DCC: variants seen among roughly 807,000 people sequenced by gnomAD.
DCC encodes DCC netrin 1 receptor.
DCC carries 58 observed loss-of-function variants against 172.5 expected under a neutral mutation model. That is an observed-to-expected ratio of 0.34 (90% confidence interval 0.27 to 0.42). The LOEUF (loss-of-function observed/expected upper bound fraction) is 0.42, where lower values mean the gene tolerates loss of function less well. DCC is among the 10% of genes least tolerant of loss of function. The probability of loss-of-function intolerance (pLI) is 1.00; values close to 1 mark genes in which losing one functional copy is unlikely to be tolerated. For missense variants in DCC, 1,740 were observed against 1,791.0 expected (o/e 0.97, Z 0.51); for synonymous variants, 709 against 644.5 (o/e 1.10, Z -1.52).
intron 27 of DCC, among the ~76,000 whole-genome samples, chr18:53,525,895 G>A (rs1013715729): frequency 3.9e-5 from 6 of 152,052 alleles, no homozygotes; most frequent in African/African-American, 1.2e-4. Context: ...TCAGCTATAA[G>A]GTCAAGGTTG....
intron 1 of DCC, among the ~76,000 whole-genome samples, chr18:52,527,447 C>G (rs1419725534): frequency 6.6e-6 from 1 of 152,182 alleles, no homozygotes; most frequent in East Asian, 1.9e-4. Context: ...TTATGGATGA[C>G]AAGTTTGAGT....
intron 1 of DCC, among the ~76,000 whole-genome samples, chr18:52,502,786 G>A (rs1033468571): frequency 1.3e-5 from 2 of 152,188 alleles, no homozygotes; most frequent in Non-Finnish European, 2.9e-5. Context: ...AAGCCCCGAG[G>A]CGGGAGTTCA....
chr18:52,749,447 A>G (rs1173213137), intron 1 of DCC, among the ~76,000 whole-genome samples: 1 of 152,218 alleles, frequency 6.6e-6, no homozygotes, highest in East Asian at 1.9e-4. Flanking sequence ...ATAGAATCAT[A>G]TCTACTATTT....
chr18:52,983,904 T>A (rs1046889537), intron 5 of DCC, among the ~76,000 whole-genome samples: 2 of 152,140 alleles, frequency 1.3e-5, no homozygotes. Context: ...TTTCATTGCC[T>A]CCTGCACTTA....
At chr18:53,038,079 C>T (rs575928797) in intron 5 of DCC, among the ~76,000 whole-genome samples, 13 of 151,870 alleles carry the variant, frequency 8.6e-5, no homozygotes, top group East Asian at 5.8e-4. Flanking sequence ...CAATATTTAG[C>T]GCTGTTATCT....
At chr18:52,765,029 T>C (rs1156845017) in intron 2 of DCC, among the ~76,000 whole-genome samples, 2 of 143,100 alleles carry the variant, frequency 1.4e-5, no homozygotes, top group African/African-American at 6.0e-5. Context: ...TTTTCTTTTT[T>C]TTCTTTTTTT....
At chr18:53,088,035 G>A (rs569534844) in intron 7 of DCC, among the ~76,000 whole-genome samples, 57 of 152,254 alleles carry the variant, frequency 3.7e-4, no homozygotes, top group South Asian at 1.0e-3. Flanking sequence ...GTCAGGTAGC[G>A]TGATGCCTCC....
rs550004508 is a variant in DCC, at chr18:52,993,592, G to A, written c.985+68222G>A. Among the ~76,000 whole-genome samples, 9 of 152,242 alleles carry A rather than the reference G, an allele frequency of 5.9e-5. 1 individual carries two copies. In the South Asian group the frequency reaches 1.5e-3, roughly 25 times the overall value. The stretch of plus-strand genomic sequence containing the variant: ...AAGGAAATTTGGGATAGAAAAGGGT[G>A]TAGAGTTATGATCTTGCATGGTTCA... On this transcript the variant is annotated intron_variant, in intron 5 of 28. Coordinates refer to ENST00000442544, the MANE Select transcript of DCC (RefSeq NM_005215.4).
chr18:53,119,011 C>T lies in DCC; in HGVS notation c.1262-38345C>T, dbSNP rs559963010. On this transcript the variant is annotated intron_variant, in intron 7 of 28. Transcript: ENST00000442544. ...CTCAAACCCAACAAGGCAGAATCTA[C>T]TGGTCATTCCTCTGTGCTCCCACCT... Among the ~76,000 whole-genome samples the T allele has an allele frequency of 2.0e-5, 3 of 151,946 alleles. No individual in the cohort carries two copies. The East Asian group carries it at 5.9e-4, about 30-fold the overall frequency.
chr18:53,314,332 G>C (rs2057319746), intron 13 of DCC, among the ~76,000 whole-genome samples: 1 of 152,202 alleles, frequency 6.6e-6, no homozygotes, highest in African/African-American at 2.4e-5. Flanking sequence ...TGATAAAAAA[G>C]TTACCGAATT....
At chr18:52,997,248 A>T (rs935620238) in intron 5 of DCC, among the ~76,000 whole-genome samples, 5 of 152,118 alleles carry the variant, frequency 3.3e-5, no homozygotes, top group Non-Finnish European at 7.4e-5. Context: ...TCTCTGACAG[A>T]TATCTACAAG....
Position 52,958,356 on chromosome 18 carries a change from A to G in DCC, c.985+32986A>G, listed in dbSNP as rs764632786. Among the ~76,000 whole-genome samples the G allele has an allele frequency of 7.9e-5, 12 of 152,268 alleles. No individual in the cohort carries two copies. In the South Asian group the frequency reaches 1.0e-3, roughly 13 times the overall value. On this transcript the variant is annotated intron_variant, in intron 5 of 28. Transcript: ENST00000442544. Reference sequence around the variant, plus strand: ...TCAATACTTGTAACCTGTAATTATTAATAATATTGATCTGTGAATGGTGTA... The same window carrying G: ...TCAATACTTGTAACCTGTAATTATTGATAATATTGATCTGTGAATGGTGTA...
chr18:52,968,720 T>G (rs560965625), intron 5 of DCC, among the ~76,000 whole-genome samples: 2 of 152,220 alleles, frequency 1.3e-5, no homozygotes. Flanking sequence ...TTAGTTCTCA[T>G]GTAATTTAGC....
intron 1 of DCC, among the ~76,000 whole-genome samples, chr18:52,459,753 G>A (rs1197120971): frequency 6.6e-6 from 1 of 152,084 alleles, no homozygotes; most frequent in African/African-American, 2.4e-5. Context: ...ACAGGCGTGA[G>A]CAACCGCGCC....
chr18:52,455,838 G>A (rs192001529), intron 1 of DCC, among the ~76,000 whole-genome samples: 1 of 152,196 alleles, frequency 6.6e-6, no homozygotes, highest in African/African-American at 2.4e-5. Flanking sequence ...ATGAATGTTA[G>A]CAAAGGATTA....
At chr18:52,969,637 G>T (rs1213524703) in intron 5 of DCC, among the ~76,000 whole-genome samples, 2 of 132,992 alleles carry the variant, frequency 1.5e-5, no homozygotes, top group Admixed American at 8.2e-5. Context: ...GTGACTCTCT[G>T]TGTCTCTCTC....
chr18:53,268,106 A>G (rs1451434047), intron 12 of DCC, among the ~76,000 whole-genome samples: 1 of 152,132 alleles, frequency 6.6e-6, no homozygotes, highest in Non-Finnish European at 1.5e-5. Flanking sequence ...GGCAGCAAAA[A>G]TGAGTTTATA....
intron 12 of DCC, among the ~76,000 whole-genome samples, chr18:53,305,144 C>A (rs933640379): frequency 6.6e-6 from 1 of 152,156 alleles, no homozygotes; most frequent in Non-Finnish European, 1.5e-5. Flanking sequence ...TCCATTAAAC[C>A]TCTTTTTCTT....
intron 2 of DCC, among the ~76,000 whole-genome samples, chr18:52,807,646 A>G (rs1325684819): frequency 6.6e-6 from 1 of 151,148 alleles, no homozygotes; most frequent in Non-Finnish European, 1.5e-5. Flanking sequence ...AGTCTGAAAT[A>G]AATATCAGTC....
Sources: allele counts gnomAD v4.1 joint callset (sites outside exome capture counted in the v4.1 genomes callset), GRCh38; gene constraint gnomAD v4.1.1; transcripts MANE v1.5; gene names NCBI Gene and HGNC (gene_info 2026-07-23, HGNC 2026-07-21).